The following PRDM11 variants were observed in gnomAD, a reference collection of about 807,000 sequenced individuals.
PRDM11 encodes PR/SET domain 11.
PRDM11 carries 20 observed loss-of-function variants against 97.8 expected under a neutral mutation model. The observed-to-expected ratio is 0.20, with a 90% CI of 0.14 to 0.30. PRDM11 has a LOEUF of 0.30. Ranked by LOEUF, PRDM11 falls within the 10% of genes least tolerant of loss-of-function variation. The pLI is 1.00. For missense variants in PRDM11, 1,139 were observed against 1,555.2 expected, an observed-to-expected ratio of 0.73 and a Z score of 4.50; for synonymous variants, 599 against 637.7, an observed-to-expected ratio of 0.94 and a Z score of 0.91.
intron 1 of PRDM11, among the ~76,000 whole-genome samples, chr11:45,181,348 G>T (rs925079857): frequency 3.3e-5 from 5 of 152,180 alleles, no homozygotes; most frequent in African/African-American, 9.6e-5. Context: ...GGGCCCGTTC[G>T]GTCTGCCCAC....
rs765348491 is a variant in PRDM11, at chr11:45,181,802, C to T, written c.36C>T (p.Thr12=). 1 of 1,613,556 alleles carries T rather than the reference C, an allele frequency of 6.2e-7. No homozygotes were observed. The highest frequency in any genetic ancestry group is 8.5e-7 in the Non-Finnish European group (1 of 1,179,930). Residue 12 remains threonine (T), a synonymous_variant, in exon 2 of 8, where the codon ACC becomes ACT. Coordinates refer to ENST00000683152, the MANE Select transcript of PRDM11 (RefSeq NM_001384648.1). ...TENMKECLAQ[T]NAAVGDMVTV... ...ACATGAAGGAGTGCTTGGCCCAGAC[C>T]AATGCAGCCGTGGGGGATATGGTGA...
At chr11:45,195,988 G>A (rs1853109273) in intron 4 of PRDM11, among the ~76,000 whole-genome samples, 1 of 152,172 alleles carries the variant, frequency 6.6e-6, no homozygotes, top group African/African-American at 2.4e-5. Flanking sequence ...GTAAACATTT[G>A]TGTACAAGTT....
chr11:45,137,808 G>T (rs1312360698), intron 1 of PRDM11, among the ~76,000 whole-genome samples: 1 of 152,166 alleles, frequency 6.6e-6, no homozygotes, highest in East Asian at 1.9e-4. Flanking sequence ...GAGCCCTCCA[G>T]TTCCTTCCCG....
At chr11:45,132,584 A>T (rs749774338) in intron 1 of PRDM11, among the ~76,000 whole-genome samples, 25 of 152,224 alleles carry the variant, frequency 1.6e-4, no homozygotes, top group Non-Finnish European at 3.2e-4. Flanking sequence ...ATGTTCCTGA[A>T]AGGTAGAGTA....
chr11:45,208,901 G>A (rs746267235), intron 5 of PRDM11: 9 of 454,726 alleles, frequency 2.0e-5, no homozygotes, highest in Middle Eastern at 6.5e-4. Context: ...CTGAGCGTAA[G>A]AGGAAGCCCA....
chr11:45,116,081 G>T (rs1565232050), intron 1 of PRDM11, among the ~76,000 whole-genome samples: 1 of 152,036 alleles, frequency 6.6e-6, no homozygotes, highest in Admixed American at 6.6e-5. Context: ...TATCAGAAAG[G>T]TGTAACAATT....
At position 45,229,752 on chromosome 11, in the gene PRDM11, C is replaced by CT. The variant is rs1854363073; in HGVS notation, c.*1593_*1594insT. ...GAGATCCTATCACGTGGATGCAGGTCATTTTGGGGGAGGGAGGAAGATCTG... is the reference window on the plus strand; with the variant it reads ...GAGATCCTATCACGTGGATGCAGGTCTATTTTGGGGGAGGGAGGAAGATCTG... On this transcript the variant is annotated 3_prime_UTR_variant, in exon 8 of 8. Transcript: ENST00000683152. The CT allele has an allele frequency of 6.6e-6, 1 of 152,170 alleles. No homozygotes were observed. The highest frequency in any genetic ancestry group is 1.9e-4 in the East Asian group (1 of 5,200). The allele number at this position is 152,170 out of a possible 1,614,324, so 9.4% of individuals were successfully genotyped here.
chr11:45,129,236 T>C (rs561671168), intron 1 of PRDM11, among the ~76,000 whole-genome samples: 1 of 152,310 alleles, frequency 6.6e-6, no homozygotes, highest in South Asian at 2.1e-4. Context: ...CCTCTGAGGT[T>C]AGGAACAAGA....
chr11:45,146,951 G>C (rs1190825509), intron 1 of PRDM11, 74 bp downstream of exon 1: 6 of 146,086 alleles, frequency 4.1e-5, no homozygotes, highest in Non-Finnish European at 9.1e-5. Flanking sequence ...GCCAGCGAGC[G>C]CGGGGGCCGC....
chr11:45,162,919 G>A (rs1008972326), intron 1 of PRDM11, among the ~76,000 whole-genome samples: 1 of 152,210 alleles, frequency 6.6e-6, no homozygotes, highest in Non-Finnish European at 1.5e-5. Flanking sequence ...TCTGCATGTC[G>A]GTTTTCTCAC....
chr11:45,117,017 A>T (rs962924103), intron 1 of PRDM11, among the ~76,000 whole-genome samples: 2 of 152,192 alleles, frequency 1.3e-5, no homozygotes, highest in African/African-American at 4.8e-5. Flanking sequence ...TGAGGTCAGG[A>T]GTTCGAGACC....
chr11:45,101,719 G>A (rs75246550), intron 1 of PRDM11, among the ~76,000 whole-genome samples: 8,600 of 29,152 alleles, frequency 0.3, 1,569 homozygotes, highest in African/African-American at 0.51. Context: ...GAGGCTGAGC[G>A]GAGGAAGAAG....
chr11:45,227,386 C>T lies in PRDM11; in HGVS notation c.2761C>T (p.Arg921Trp), dbSNP rs1854301287. Residue 921 changes from arginine to tryptophan, a missense_variant, in exon 8 of 8, where the codon CGG becomes TGG. Transcript: ENST00000683152. This position sits in a 1 kb window ranked among gnomAD's most constrained non-coding sequence, Gnocchi z 8.0. ...CGAGGAGGCCATCCAGGAGATCAGCCGGCTGGCTGACTCCCCGGGAGAATA... is the reference window on the plus strand; with the variant it reads ...CGAGGAGGCCATCCAGGAGATCAGCTGGCTGGCTGACTCCCCGGGAGAATA... ...KIEEAIQEIS[R>W]LADSPGEYLQ... 7.2e-6 allele frequency: 11 copies of T among 1,533,784 alleles called. No individual in the cohort carries two copies. Among genetic ancestry groups the T allele is most frequent in the East Asian group, 2.4e-5 (1 of 40,910 alleles).
chr11:45,162,065 G>A (rs1356036749), intron 1 of PRDM11, among the ~76,000 whole-genome samples: 1 of 152,218 alleles, frequency 6.6e-6, no homozygotes, highest in East Asian at 1.9e-4. Context: ...AGTGGCGTGT[G>A]TGTTCATTGA....
chr11:45,136,649 C>T (rs755212901), intron 1 of PRDM11, among the ~76,000 whole-genome samples: 6 of 152,112 alleles, frequency 3.9e-5, no homozygotes, highest in African/African-American at 1.2e-4. Context: ...GTGAGGGCTG[C>T]GGCTGAAAAT....
At chr11:45,138,970 T>C (rs999967063) in intron 1 of PRDM11, among the ~76,000 whole-genome samples, 1 of 152,210 alleles carries the variant, frequency 6.6e-6, no homozygotes, top group South Asian at 2.1e-4. Flanking sequence ...GTAAACTACA[T>C]TTCTAAATCA....
At chr11:45,102,349 T>A (rs1301740783) in intron 1 of PRDM11, among the ~76,000 whole-genome samples, 1 of 152,214 alleles carries the variant, frequency 6.6e-6, no homozygotes, top group African/African-American at 2.4e-5. Flanking sequence ...TGTTTAATGA[T>A]CCCCAAAGGC....
In PRDM11 at chr11:45,230,630, G is replaced by A. The variant is rs964998932; in HGVS notation, c.*2471G>A. The A allele has an allele frequency of 2.6e-5, 4 of 152,228 alleles. No homozygotes were observed. Among genetic ancestry groups the A allele is most frequent in the African/African-American group, 9.7e-5 (4 of 41,438 alleles). 9.4% of individuals were successfully genotyped at this position (152,228 alleles called of 1,614,324 possible). A position where few individuals can be genotyped will look rare whatever the true frequency, so the allele number is the denominator to read the frequency against. ...CATTGCAGAGACTAAGAAGGGTTGA[G>A]GGCAGAGATGGCTAGCAAGACAGGG... On this transcript the variant is annotated 3_prime_UTR_variant, in exon 8 of 8. Transcript: ENST00000683152.
rs1854037365 is a variant in PRDM11 at position 45,219,094 on chromosome 11, C to T, written c.555-476C>T. On this transcript the variant is annotated intron_variant, in intron 5 of 7. Coordinates refer to ENST00000683152, the MANE Select transcript of PRDM11 (RefSeq NM_001384648.1). This position sits in a 1 kb window ranked among gnomAD's most constrained non-coding sequence, Gnocchi z 4.2. ...AGCATTTATTAATTGATCTCTTGGA[C>T]ACCTTGTCACAGGGGCTATTTCAGC... 6.6e-6 allele frequency among the ~76,000 whole-genome samples: 1 copy of T among 152,180 alleles called. No individual in the cohort carries two copies. The highest frequency in any genetic ancestry group is 6.5e-5 in the Admixed American group (1 of 15,284).
Sources: allele counts gnomAD v4.1 joint callset (sites outside exome capture counted in the v4.1 genomes callset), GRCh38; gene constraint gnomAD v4.1.1; non-coding constraint Gnocchi (gnomAD v3.1); transcripts MANE v1.5; gene names NCBI Gene and HGNC (gene_info 2026-07-23, HGNC 2026-07-21).